Variants in BRI3 observed in about 807,000 individuals in gnomAD.
BRI3 encodes membrane protein BRI3.
Under a neutral mutation model 12.8 loss-of-function variants are expected in BRI3, and 6 were observed. The ratio of observed to expected loss-of-function variants is 0.47; its 90% CI spans 0.26 to 0.93. The LOEUF is 0.93. Among genes scored for constraint, BRI3 ranks in the 40% least tolerant of loss-of-function variants. BRI3 has a pLI of 0.15. For missense variants in BRI3, 134 were observed against 171.1 expected (o/e 0.78, Z 1.21); for synonymous variants, 91 against 76.1 (o/e 1.20, Z -1.02).
chr7:98,298,734 A>G (rs1010999425), intron 1 of BRI3, among the ~76,000 whole-genome samples: 4 of 152,212 alleles, frequency 2.6e-5, no homozygotes, highest in Non-Finnish European at 4.4e-5. Context: ...TGGTTAGGGA[A>G]AGCTAAGTTA....
exon 2 of BRI3, chr7:98,309,770 C>G (rs1267069278): frequency 6.6e-6 from 1 of 151,794 alleles, no homozygotes; most frequent in Non-Finnish European, 1.5e-5. Context: ...GGCCATGGCA[C>G]AGGTCTCGAG....
downstream of BRI3, chr7:98,293,701 C>T (rs1800065362): frequency 1.8e-6 from 2 of 1,094,806 alleles, no homozygotes; most frequent in African/African-American, 1.5e-5. Context: ...GGGCGGCTGA[C>T]CACCTCCCCA....
upstream of BRI3, chr7:98,304,463 C>T: frequency 7.5e-7 from 1 of 1,328,794 alleles, no homozygotes; most frequent in South Asian, 1.3e-5. Flanking sequence ...CCAAGGACAA[C>T]AGTAATAGTA....
downstream of BRI3, chr7:98,311,948 G>A (rs1800888576): frequency 3.3e-5 from 24 of 734,496 alleles, no homozygotes; most frequent in South Asian, 4.2e-4. Flanking sequence ...AGCTACCTTC[G>A]CCCCTAAAGG....
At chr7:98,317,693 A>C in the BRI3 span, among the ~76,000 whole-genome samples, 1 of 135,430 alleles carries the variant, frequency 7.4e-6, no homozygotes, top group Non-Finnish European at 1.6e-5. Flanking sequence ...CCATCCTTAC[A>C]CTGGCTGGGA....
At chr7:98,303,434 C>T (rs73147347), upstream of BRI3, among the ~76,000 whole-genome samples, 978 of 152,328 alleles carry the variant, frequency 6.4e-3, 10 homozygotes, top group Non-Finnish European at 0.01. Flanking sequence ...CAACCCAGCC[C>T]GGGAGTGATG....
At chr7:98,322,319 G>A in the BRI3 span, among the ~76,000 whole-genome samples, 3 of 152,146 alleles carry the variant, frequency 2.0e-5, no homozygotes, top group African/African-American at 4.8e-5. Flanking sequence ...CCCAGCTCAG[G>A]ATTCAACCCT....
chr7:98,283,303 TGTGTGTAAGGCCTAGAGTG>T (rs1409159255), intron 2 of BRI3, among the ~76,000 whole-genome samples: 1 of 151,950 alleles, frequency 6.6e-6, no homozygotes, highest in African/African-American at 2.4e-5. Context: ...TTCAAAAGTG[TGTGTGTAAGGCCTAGAGTG>T]GAGTCACGGG....
chr7:98,304,251 G>A (rs1277634396), upstream of BRI3: 1 of 1,613,458 alleles, frequency 6.2e-7, no homozygotes, highest in South Asian at 1.1e-5. Context: ...TGTCGTCCTG[G>A]CCGAATCTGC....
upstream of BRI3, among the ~76,000 whole-genome samples, chr7:98,302,807 G>C (rs1800484197): frequency 6.6e-6 from 1 of 152,030 alleles, no homozygotes; most frequent in Admixed American, 6.6e-5. Flanking sequence ...CTTTTTTTAT[G>C]AGACAGGGTC....
chr7:98,283,280 A>G (rs772358450), intron 2 of BRI3, among the ~76,000 whole-genome samples: 11 of 152,056 alleles, frequency 7.2e-5, no homozygotes, highest in Non-Finnish European at 1.5e-4. Flanking sequence ...CCTGGTTTGG[A>G]CTTAGACTTG....
At chr7:98,307,753 T>C (rs753042967) in exon 2 of BRI3, 17 of 1,614,156 alleles carry the variant, frequency 1.1e-5, no homozygotes, top group Middle Eastern at 3.3e-4. Context: ...AGCAGCGTGA[T>C]GACATCTCCC....
chr7:98,297,208 C>A (rs987882095), downstream of BRI3, among the ~76,000 whole-genome samples: 1 of 152,224 alleles, frequency 6.6e-6, no homozygotes, highest in East Asian at 1.9e-4. Flanking sequence ...CCGCAAGAAT[C>A]CAAGAATCCA....
downstream of BRI3, chr7:98,312,111 C>T (rs749542573): frequency 8.1e-6 from 13 of 1,599,704 alleles, no homozygotes; most frequent in Middle Eastern, 3.4e-4. Flanking sequence ...TTGCTTCTCT[C>T]GATCATGGGT....
chr7:98,316,672 C>T, the BRI3 span, among the ~76,000 whole-genome samples: 359 of 152,236 alleles, frequency 2.4e-3, 1 homozygote, highest in African/African-American at 4.2e-3. Flanking sequence ...AATAATGCAT[C>T]GCTGTTAACT....
downstream of BRI3, among the ~76,000 whole-genome samples, chr7:98,294,284 C>T (rs1048316747): frequency 3.3e-5 from 5 of 152,158 alleles, no homozygotes; most frequent in African/African-American, 7.2e-5. Context: ...TGAGCCGCTG[C>T]GACTGGCCTG....
At chr7:98,315,567 T>C in the BRI3 span, 2 of 1,491,136 alleles carry the variant, frequency 1.3e-6, no homozygotes, top group East Asian at 2.5e-5. Flanking sequence ...CCATCTGCAA[T>C]GAATTTCTGG....
At chr7:98,298,049 A>G (rs1258428162) in intron 1 of BRI3, among the ~76,000 whole-genome samples, 1 of 151,600 alleles carries the variant, frequency 6.6e-6, no homozygotes, top group Non-Finnish European at 1.5e-5. Flanking sequence ...TGGGCAACAT[A>G]ACAGGATCTT....
upstream of BRI3, chr7:98,304,251 G>GC: frequency 6.2e-7 from 1 of 1,613,458 alleles, no homozygotes; most frequent in Non-Finnish European, 8.5e-7. Flanking sequence ...TGTCGTCCTG[G>GC]CCGAATCTGC....
Sources: allele counts gnomAD v4.1 joint callset (sites outside exome capture counted in the v4.1 genomes callset), GRCh38; gene constraint gnomAD v4.1.1; transcripts MANE v1.5; gene names NCBI Gene and HGNC (gene_info 2026-07-23, HGNC 2026-07-21).